The following SH3RF3 variants were observed in gnomAD, a reference collection of about 807,000 sequenced individuals.
SH3RF3 encodes the protein SH3 domain containing ring finger 3.
In SH3RF3, 29 loss-of-function variants were observed where a neutral mutation model predicts 66.3. The observed-to-expected ratio is 0.44, with a 90% CI of 0.33 to 0.60. The LOEUF (loss-of-function observed/expected upper bound fraction) is 0.60. SH3RF3 is among the 20% of genes least tolerant of loss of function. The pLI, the probability that SH3RF3 is intolerant of heterozygous loss-of-function variation, is 0.04. For missense variants in SH3RF3, 1,194 were observed against 1,190.9 expected (o/e 1.00, Z -0.04); for synonymous variants, 583 against 532.0 (o/e 1.10, Z -1.32).
At chr2:109,497,552 G>C (rs1679286144) in intron 9 of SH3RF3, among the ~76,000 whole-genome samples, 2 of 152,210 alleles carry the variant, frequency 1.3e-5, no homozygotes, top group African/African-American at 4.8e-5. Flanking sequence ...GTTGCTTGCT[G>C]ATTTATGACG....
intron 8 of SH3RF3, among the ~76,000 whole-genome samples, chr2:109,463,964 A>G (rs1678271490): frequency 1.3e-5 from 2 of 152,144 alleles, no homozygotes; most frequent in Admixed American, 1.3e-4. Flanking sequence ...GTGCCTGGCA[A>G]GAGGTCACCA....
At chr2:109,244,677 T>C (rs554799654) in intron 1 of SH3RF3, among the ~76,000 whole-genome samples, 48 of 152,176 alleles carry the variant, frequency 3.2e-4, no homozygotes, top group South Asian at 2.7e-3. Flanking sequence ...GGAGGAAATA[T>C]GGAGATGGTA....
At chr2:109,249,505 CTTTCATTCTTTCTT>C (rs1290228912) in intron 1 of SH3RF3, among the ~76,000 whole-genome samples, 3,472 of 42,416 alleles carry the variant, frequency 0.082, 101 homozygotes, top group Admixed American at 0.19. Context: ...TTCTTTCTTT[CTTTCATTCTTTCTT>C]TTTCTTTCTT....
intron 2 of SH3RF3, among the ~76,000 whole-genome samples, chr2:109,362,230 T>A (rs1019908274): frequency 4.6e-5 from 7 of 152,218 alleles, no homozygotes; most frequent in Admixed American, 1.3e-4. Flanking sequence ...GTGCTACTTT[T>A]GCGGCATCTC....
chr2:109,291,772 CCA>C (rs1300733705), intron 1 of SH3RF3, among the ~76,000 whole-genome samples: 1 of 152,218 alleles, frequency 6.6e-6, no homozygotes, highest in African/African-American at 2.4e-5. Context: ...GGTAAGGTCT[CCA>C]GTTTCAGGTG....
chr2:109,247,336 C>T (rs966057849), intron 1 of SH3RF3, among the ~76,000 whole-genome samples: 1 of 152,188 alleles, frequency 6.6e-6, no homozygotes, highest in African/African-American at 2.4e-5. Context: ...TCTGCAGCCC[C>T]TCCCTGAACT....
rs760708752 is a variant in SH3RF3, at chr2:109,324,859, C to T, written c.574-22815C>T. On this transcript the variant is annotated intron_variant, in intron 1 of 9. Transcript: ENST00000309415. ...CCTCTCCTTGAGGTGTGTGCAAGCA[C>T]GCACGCTGGCACACTGTCTCCTGGA... Among the ~76,000 whole-genome samples the T allele has an allele frequency of 6.6e-5, 10 of 152,304 alleles. No individual in the cohort carries two copies. The South Asian group carries it at 8.3e-4, about 13-fold the overall frequency.
chr2:109,382,804 A>C (rs574330357), intron 3 of SH3RF3, among the ~76,000 whole-genome samples: 4 of 152,228 alleles, frequency 2.6e-5, no homozygotes, highest in Admixed American at 1.3e-4. Flanking sequence ...AGCACCCCCA[A>C]TGTTCTCTGC....
intron 8 of SH3RF3, among the ~76,000 whole-genome samples, chr2:109,453,207 G>A (rs570723740): frequency 2.1e-4 from 32 of 152,144 alleles, no homozygotes; most frequent in Non-Finnish European, 4.3e-4. Flanking sequence ...GCCTATGCAG[G>A]AACCTCTCCA....
At chr2:109,378,629 T>G (rs1683444121) in intron 3 of SH3RF3, among the ~76,000 whole-genome samples, 1 of 152,252 alleles carries the variant, frequency 6.6e-6, no homozygotes. Flanking sequence ...GTTAAATTGC[T>G]TAGACTCAGT....
intron 1 of SH3RF3, among the ~76,000 whole-genome samples, chr2:109,282,317 A>G (rs2105345334): frequency 6.6e-6 from 1 of 152,196 alleles, no homozygotes; most frequent in Middle Eastern, 3.4e-3. Flanking sequence ...TAATTGGTGC[A>G]AGTTGTCTGC....
chr2:109,474,708 A>G (rs2104740128), intron 8 of SH3RF3, among the ~76,000 whole-genome samples: 1 of 152,340 alleles, frequency 6.6e-6, no homozygotes, highest in East Asian at 1.9e-4. Flanking sequence ...CATCGCAGAT[A>G]CTTCACCACC....
chr2:109,134,255 G>A (rs1159074490), intron 1 of SH3RF3, among the ~76,000 whole-genome samples: 2 of 152,150 alleles, frequency 1.3e-5, no homozygotes, highest in East Asian at 3.9e-4. Flanking sequence ...CTGTTCCTCC[G>A]CCCTTCTGTC....
In SH3RF3 at chr2:109,129,479, C is replaced by T. The variant is rs1041321093; in HGVS notation, c.-62C>T. 1.5e-5 allele frequency: 22 copies of T among 1,493,806 alleles called. 1 individual carries two copies. Among genetic ancestry groups the T allele is most frequent in the East Asian group, 8.4e-5 (3 of 35,848 alleles). 92.5% of individuals were successfully genotyped at this position (1,493,806 alleles called of 1,614,324 possible). Reference sequence around the variant, plus strand: ...CAGTCCTGATGCTGGCTGCCGGTGGCGGGCTCCACGCCGGCCCCGGGACCT... The same window carrying T: ...CAGTCCTGATGCTGGCTGCCGGTGGTGGGCTCCACGCCGGCCCCGGGACCT... On this transcript the variant is annotated 5_prime_UTR_variant, in exon 1 of 10. Transcript: ENST00000309415.
At chr2:109,155,360 G>A (rs866978332) in intron 1 of SH3RF3, among the ~76,000 whole-genome samples, 1 of 152,178 alleles carries the variant, frequency 6.6e-6, no homozygotes, top group East Asian at 1.9e-4. Flanking sequence ...GAATGCAGTG[G>A]TGGGATCTTG....
chr2:109,472,271 C>T (rs1356977261), intron 8 of SH3RF3, among the ~76,000 whole-genome samples: 1 of 151,958 alleles, frequency 6.6e-6, no homozygotes, highest in African/African-American at 2.4e-5. Flanking sequence ...GTCTGGGCTG[C>T]TCCAGGAAGA....
chr2:109,245,154 G>A (rs1313216996), intron 1 of SH3RF3, among the ~76,000 whole-genome samples: 1 of 152,178 alleles, frequency 6.6e-6, no homozygotes, highest in Non-Finnish European at 1.5e-5. Flanking sequence ...CTCCCCTGCT[G>A]GAGCCCACTT....
intron 1 of SH3RF3, among the ~76,000 whole-genome samples, chr2:109,181,033 C>T (rs2104983652): frequency 6.6e-6 from 1 of 152,280 alleles, no homozygotes; most frequent in South Asian, 2.1e-4. Flanking sequence ...TGACAAAGTC[C>T]TTTGATGGCC....
chr2:109,331,152 T>A (rs935772908), intron 1 of SH3RF3, among the ~76,000 whole-genome samples: 15 of 152,128 alleles, frequency 9.9e-5, no homozygotes, highest in Non-Finnish European at 1.5e-4. Flanking sequence ...TTCTTCCCCA[T>A]CCTTTACTTT....
Sources: allele counts gnomAD v4.1 joint callset (sites outside exome capture counted in the v4.1 genomes callset), GRCh38; gene constraint gnomAD v4.1.1; transcripts MANE v1.5; gene names NCBI Gene and HGNC (gene_info 2026-07-23, HGNC 2026-07-21).